The following HDLBP variants were observed in gnomAD, a reference collection of about 807,000 sequenced individuals.
The protein encoded by HDLBP is high density lipoprotein binding protein.
HDLBP carries 30 observed loss-of-function variants against 137.3 expected under a neutral mutation model. The ratio of observed to expected loss-of-function variants is 0.22; its 90% confidence interval spans 0.16 to 0.30. The LOEUF (loss-of-function observed/expected upper bound fraction) is 0.30, where lower values mean the gene tolerates loss of function less well. Among genes scored for constraint, HDLBP ranks in the 10% least tolerant of loss-of-function variants. The probability of loss-of-function intolerance (pLI) is 1.00; values close to 1 mark genes in which losing one functional copy is unlikely to be tolerated. For missense variants in HDLBP, 1,119 were observed against 1,667.3 expected, an observed-to-expected ratio of 0.67 and a Z score of 5.73; for synonymous variants, 606 against 596.0, an observed-to-expected ratio of 1.02 and a Z score of -0.24.
At chr2:241,274,589 G>C (rs1330770413) in intron 1 of HDLBP, among the ~76,000 whole-genome samples, 1 of 152,160 alleles carries the variant, frequency 6.6e-6, no homozygotes, top group Non-Finnish European at 1.5e-5. Flanking sequence ...ATAAAGCTAG[G>C]AAGTCAGCAC....
In HDLBP at chr2:241,230,646, G is replaced by C; in HGVS notation, c.3474+113C>G. 1.1e-6 allele frequency: 1 copy of C among 897,700 alleles called. No homozygotes were observed. The highest frequency in any genetic ancestry group is 1.7e-6 in the Non-Finnish European group (1 of 576,308). The allele number at this position is 897,700 out of a possible 1,614,324, so 55.6% of individuals were successfully genotyped here. A position where few individuals can be genotyped will look rare whatever the true frequency, so the allele number is the denominator to read the frequency against. ...GAGGACAGTTCCACTGCCAGCCCTG[G>C]GGTTGTGGCCTCATCATCTTGAGGG... On this transcript the variant is annotated intron_variant, in intron 25 of 27. Coordinates refer to ENST00000310931, the MANE Select transcript of HDLBP (RefSeq NM_005336.6). This position sits in a 1 kb window ranked among gnomAD's most constrained non-coding sequence, Gnocchi z 5.0.
intron 21 of HDLBP, chr2:241,236,308 T>C (rs563969566): frequency 1.3e-5 from 5 of 386,846 alleles, no homozygotes; most frequent in Non-Finnish European, 1.9e-5. Flanking sequence ...GGAGGTCACA[T>C]TCATCCCCCT....
Position 241,248,057 on chromosome 2 carries a change from A to C in HDLBP, c.1677T>G (p.Pro559=). 1 of 1,614,154 alleles carries C rather than the reference A, an allele frequency of 6.2e-7. No homozygotes were observed. The highest frequency in any genetic ancestry group is 1.3e-5 in the African/African-American group (1 of 75,036). The stretch of plus-strand genomic sequence containing the variant: ...TTGTGCATTTTTCCACCTCATTCTT[A>C]GGTCCTCTGAGCTGGACAATGTCAC... ...QKSDIVQLRG[P]KNEVEKCTKY... is the part of the protein sequence containing the mutation. The change falls in exon 14 of 28, where the codon CCT becomes CCG. Residue 559 remains proline (P), a synonymous_variant. Coordinates refer to ENST00000310931, the MANE Select transcript of HDLBP (RefSeq NM_005336.6).
At position 241,233,682 on chromosome 2, in the gene HDLBP, G is replaced by A. The variant is rs2070065146; in HGVS notation, c.3288+138C>T. ...GAGACACAGCCCAAACCTCAAGCCA[G>A]AATTAGGTCCTGAGAGACTTGCCAC... On this transcript the variant is annotated intron_variant, in intron 24 of 27. Coordinates refer to ENST00000310931, the MANE Select transcript of HDLBP (RefSeq NM_005336.6). This position sits in a 1 kb window ranked among gnomAD's most constrained non-coding sequence, Gnocchi z 4.3. The A allele has an allele frequency of 5.7e-6, 5 of 881,724 alleles. 1 individual carries two copies. The East Asian group carries it at 1.3e-4, about 23-fold the overall frequency. The allele number at this position is 881,724 out of a possible 1,614,324, so 54.6% of individuals were successfully genotyped here.
At chr2:241,273,268 T>C (rs981142991) in intron 1 of HDLBP, 17 of 976,668 alleles carry the variant, frequency 1.7e-5, no homozygotes, top group Non-Finnish European at 2.1e-5. Flanking sequence ...GGGCTTTCAT[T>C]CCCTCATTCC....
At chr2:241,256,099 A>C in intron 7 of HDLBP, 85 bp downstream of exon 7, 2 of 1,135,338 alleles carry the variant, frequency 1.8e-6, no homozygotes, top group Non-Finnish European at 2.6e-6. Context: ...GATAAGGGGC[A>C]GAACCAGGCC....
At chr2:241,270,003 G>A (rs1050908060) in intron 1 of HDLBP, among the ~76,000 whole-genome samples, 6 of 152,142 alleles carry the variant, frequency 3.9e-5, no homozygotes, top group Non-Finnish European at 8.8e-5. Flanking sequence ...GCTAGGTTCT[G>A]GGCAAGTCTC....
chr2:241,280,029 G>A, intron 1 of HDLBP: 3 of 985,400 alleles, frequency 3.0e-6, no homozygotes, highest in Non-Finnish European at 3.6e-6. Context: ...TGTGGGAGCA[G>A]AGATGTGGAG....
chr2:241,252,575 G>C (rs1326668309), intron 11 of HDLBP, among the ~76,000 whole-genome samples: 1 of 152,228 alleles, frequency 6.6e-6, no homozygotes, highest in Non-Finnish European at 1.5e-5. Context: ...GTGAGTTCCA[G>C]ATCAGCAGTT....
intron 24 of HDLBP, 67 bp from the exon 25 acceptor site, chr2:241,231,011 G>C: frequency 7.2e-7 from 1 of 1,390,612 alleles, no homozygotes; most frequent in African/African-American, 1.4e-5. Flanking sequence ...GGCAAGAGCC[G>C]GCCCCCACTG....
intron 7 of HDLBP, 142 bp from the exon 8 acceptor site, chr2:241,255,722 G>A: frequency 3.0e-6 from 2 of 661,506 alleles, no homozygotes; most frequent in African/African-American, 3.6e-5. Context: ...AAGTGATCAG[G>A]ACTAGCCAAT....
rs15129 is a variant in HDLBP at position 241,229,561 on chromosome 2, T to C, written c.*40A>G. The C allele has an allele frequency of 0.23, 339,483 of 1,471,092 alleles. 49,240 individuals are homozygous for C. Among genetic ancestry groups the C allele is most frequent in the East Asian group, 0.72 (31,802 of 44,014 alleles). 91.1% of individuals were successfully genotyped at this position (1,471,092 alleles called of 1,614,324 possible). ...AGACAAACCATTGTGTGGTTGGGTT[T>C]GGGTCAGCAGGCTGGAGAGGGTTCT... On this transcript the variant is annotated 3_prime_UTR_variant, in exon 28 of 28. Coordinates refer to ENST00000310931, the MANE Select transcript of HDLBP (RefSeq NM_005336.6).
intron 5 of HDLBP, among the ~76,000 whole-genome samples, chr2:241,258,291 G>T (rs1485249927): frequency 7.5e-6 from 1 of 132,818 alleles, no homozygotes; most frequent in East Asian, 2.2e-4. Flanking sequence ...AGCTTGCAGT[G>T]AGCCGAGATC....
Position 241,246,890 on chromosome 2 carries a change from G to A in HDLBP, c.1819-7C>T, listed in dbSNP as rs771950189. On this transcript the variant is annotated splice_polypyrimidine_tract_variant and splice_region_variant and intron_variant, in intron 15 of 27. Transcript: ENST00000310931. The stretch of plus-strand genomic sequence containing the variant: ...TGTTGCTTTCTTCACGAATCTACAG[G>A]GAGAGAGATCACCATGAGAAGCTGA... The A allele has an allele frequency of 1.9e-6, 3 of 1,614,024 alleles. No homozygotes were observed. The highest frequency in any genetic ancestry group is 4.5e-5 in the East Asian group (2 of 44,884).
At chr2:241,313,736 G>T (rs1162315543) in intron 1 of HDLBP, among the ~76,000 whole-genome samples, 1 of 152,168 alleles carries the variant, frequency 6.6e-6, no homozygotes, top group Non-Finnish European at 1.5e-5. Context: ...GGAAAAATAC[G>T]TATTTACTCA....
intron 3 of HDLBP, among the ~76,000 whole-genome samples, chr2:241,266,025 T>A (rs950637617): frequency 1.6e-4 from 25 of 152,332 alleles, no homozygotes; most frequent in African/African-American, 6.0e-4. Context: ...CTCAATTTAG[T>A]TATTGGAAAA....
chr2:241,257,742 C>T (rs1008976719), intron 5 of HDLBP, among the ~76,000 whole-genome samples: 3 of 152,076 alleles, frequency 2.0e-5, no homozygotes, highest in African/African-American at 7.2e-5. Flanking sequence ...GGTTGTAACA[C>T]AGAACCAACA....
At chr2:241,243,001 T>C (rs2071391073) in intron 16 of HDLBP, among the ~76,000 whole-genome samples, 1 of 152,176 alleles carries the variant, frequency 6.6e-6, no homozygotes, top group South Asian at 2.1e-4. Context: ...CATAATGCTC[T>C]ATTTCTTCAG....
At chr2:241,255,705 GAAC>G (rs1477485676) in intron 7 of HDLBP, 125 bp from the exon 8 acceptor site, 20 of 716,920 alleles carry the variant, frequency 2.8e-5, no homozygotes, top group Admixed American at 8.8e-5. Context: ...CCCAAGAAGT[GAAC>G]AACAAGTGAT....
Sources: allele counts gnomAD v4.1 joint callset (sites outside exome capture counted in the v4.1 genomes callset), GRCh38; gene constraint gnomAD v4.1.1; non-coding constraint Gnocchi (gnomAD v3.1); transcripts MANE v1.5; gene names NCBI Gene and HGNC (gene_info 2026-07-23, HGNC 2026-07-21).